ZNF599: variants seen among roughly 807,000 people sequenced by gnomAD.
ZNF599 encodes the protein zinc finger protein 599.
In ZNF599, 10 loss-of-function variants were observed where a neutral mutation model predicts 11.7. That is an observed-to-expected ratio of 0.86 (90% CI 0.53 to 1.45). The LOEUF is 1.45. Among genes scored for constraint, ZNF599 ranks in the 40% most tolerant of loss-of-function variants. The pLI, the probability that ZNF599 is intolerant of heterozygous loss-of-function variation, is 0.00. For missense variants in ZNF599, 688 were observed against 713.6 expected (o/e 0.96, Z 0.41); for synonymous variants, 232 against 253.2 (o/e 0.92, Z 0.79).
upstream of ZNF599, among the ~76,000 whole-genome samples, chr19:34,777,367 TTATATATTATATATTAATTAATATATAA>T (rs1568496943): frequency 1.5e-5 from 1 of 67,114 alleles, no homozygotes; most frequent in Non-Finnish European, 2.6e-5. Flanking sequence ...TATTAATATA[TTATATATTATATATTAATTAATATATAA>T]TATATATTAT....
chr19:34,803,073 G>A, the ZNF599 span, among the ~76,000 whole-genome samples: 3 of 152,262 alleles, frequency 2.0e-5, no homozygotes, highest in Admixed American at 6.5e-5. Flanking sequence ...AACCTGGGGC[G>A]GAGAGGTCAC....
At chr19:34,777,408 ATAATATATAT>A (rs2069224300), upstream of ZNF599, among the ~76,000 whole-genome samples, 1 of 93,752 alleles carries the variant, frequency 1.1e-5, no homozygotes, top group Non-Finnish European at 2.0e-5. Context: ...TATATTATAT[ATAATATATAT>A]TAATTAATAT....
chr19:34,796,299 T>C, the ZNF599 span, among the ~76,000 whole-genome samples: 1 of 151,770 alleles, frequency 6.6e-6, no homozygotes, highest in African/African-American at 2.4e-5. Flanking sequence ...CAACAATGCC[T>C]AATAGGAGCC....
rs149842207 is a variant in ZNF599 at position 34,759,967 on chromosome 19, G to A, written c.834C>T (p.Thr278=). 304 of 1,614,058 alleles carry A rather than the reference G, an allele frequency of 1.9e-4. 2 individuals carry two copies. The African/African-American group carries it at 3.0e-3, about 16-fold the overall frequency. Residue 278 remains threonine (T), a synonymous_variant, in exon 4 of 4, where the codon ACC becomes ACT. Coordinates refer to ENST00000329285, the MANE Select transcript of ZNF599 (RefSeq NM_001007248.3). ...FHLTEHQRIH[T]GDKPYECKEC... Reference sequence around the variant, plus strand: ...CTTTGCACTCATAGGGCTTATCTCCGGTGTGAATACGCTGGTGCTCCGTGA... The same window carrying A: ...CTTTGCACTCATAGGGCTTATCTCCAGTGTGAATACGCTGGTGCTCCGTGA...
At position 34,759,115 on chromosome 19, in the gene ZNF599, G is replaced by A. The variant is rs745860475; in HGVS notation, c.1686C>T (p.Pro562=). 15 of 1,614,074 alleles carry A rather than the reference G, an allele frequency of 9.3e-6. No individual in the cohort carries two copies. The highest frequency in any genetic ancestry group is 1.2e-5 in the Non-Finnish European group (14 of 1,180,036). Residue 562 remains proline (P), a synonymous_variant, in exon 4 of 4, where the codon CCC becomes CCT. Coordinates refer to ENST00000329285, the MANE Select transcript of ZNF599 (RefSeq NM_001007248.3). The part of the protein sequence containing the change: ...QHMRTHTGEK[P]FECNECGKTF... ...TCTTTCCACATTCATTGCATTCAAA[G>A]GGTTTCTCTCCAGTGTGAGTTCTCA...
intron 3 of ZNF599, among the ~76,000 whole-genome samples, chr19:34,760,919 T>C (rs528432837): frequency 6.6e-6 from 1 of 152,260 alleles, no homozygotes; most frequent in South Asian, 2.1e-4. Context: ...ACACTTAACA[T>C]GGCCCAGATG....
Position 34,760,502 on chromosome 19 carries a change from T to G in ZNF599, c.299A>C (p.Glu100Ala). Residue 100 changes from glutamate (E) to alanine (A), a missense_variant, in exon 4 of 4, where the codon GAG becomes GCG. Glu to Ala is a moderately radical substitution (Grantham distance 107, BLOSUM62 -1). Transcript: ENST00000329285. Reference protein sequence around the residue: ...EPTASQLAFSEESSFQELLAQ... With the variant: ...EPTASQLAFSAESSFQELLAQ... The stretch of plus-strand genomic sequence containing the variant: ...CAGAAGTTCCTGGAAAGAGGATTCC[T>G]CAGAGAAGGCCAGCTGAGAAGCAGT... The G allele has an allele frequency of 2.5e-6, 4 of 1,614,118 alleles. No individual in the cohort carries two copies. The highest frequency in any genetic ancestry group is 1.7e-6 in the Non-Finnish European group (2 of 1,180,020).
In ZNF599 at chr19:34,772,877, C is replaced by A. The variant is rs1432027879; in HGVS notation, c.-36G>T. On this transcript the variant is annotated 5_prime_UTR_variant, in exon 1 of 4. Transcript: ENST00000329285. ...GGCTGGGTGAGGCCGTGAGAGTCGG[C>A]GAGGAAGCCGGTCCTGCGGGCTCGG... 1 of 1,432,038 alleles carries A rather than the reference C, an allele frequency of 7.0e-7. No individual in the cohort carries two copies. The highest frequency in any genetic ancestry group is 9.1e-7 in the Non-Finnish European group (1 of 1,097,920). 88.7% of individuals were successfully genotyped at this position (1,432,038 alleles called of 1,614,324 possible). A position where few individuals can be genotyped will look rare whatever the true frequency, so the allele number is the denominator to read the frequency against.
upstream of ZNF599, among the ~76,000 whole-genome samples, chr19:34,774,954 A>G (rs566101134): frequency 1.7e-3 from 254 of 152,228 alleles, no homozygotes; most frequent in Middle Eastern, 0.017. Context: ...TTCTTGAGAT[A>G]ATGAGTTTTC....
chr19:34,806,887 C>T, the ZNF599 span, among the ~76,000 whole-genome samples: 8,415 of 152,208 alleles, frequency 0.055, 742 homozygotes, highest in African/African-American at 0.19. Flanking sequence ...TGGCCTCCTG[C>T]CTCCTTGACT....
the ZNF599 span, among the ~76,000 whole-genome samples, chr19:34,802,288 G>C: frequency 1.3e-5 from 2 of 152,170 alleles, no homozygotes; most frequent in African/African-American, 4.8e-5. Context: ...TCACAGCATG[G>C]GAGAAGCCTC....
At chr19:34,760,809 C>T (rs1056439174) in intron 3 of ZNF599, among the ~76,000 whole-genome samples, 2 of 152,154 alleles carry the variant, frequency 1.3e-5, no homozygotes, top group African/African-American at 2.4e-5. Flanking sequence ...TCCTCACTCT[C>T]CCAAATGAGG....
chr19:34,788,356 A>G, the ZNF599 span, among the ~76,000 whole-genome samples: 1 of 152,170 alleles, frequency 6.6e-6, no homozygotes, highest in African/African-American at 2.4e-5. Flanking sequence ...TAAGATCTGA[A>G]GGCTATGATC....
chr19:34,777,538 A>G (rs2069227605), upstream of ZNF599, among the ~76,000 whole-genome samples: 1 of 120,334 alleles, frequency 8.3e-6, no homozygotes, highest in Non-Finnish European at 1.6e-5. Context: ...TATAATCTAT[A>G]TATCTATATT....
the ZNF599 span, among the ~76,000 whole-genome samples, chr19:34,790,996 T>C: frequency 6.6e-6 from 1 of 152,234 alleles, no homozygotes; most frequent in African/African-American, 2.4e-5. Context: ...CTAAGTCTTT[T>C]AGAGCCACTG....
chr19:34,790,879 CAATTAAAAATAA>C, the ZNF599 span, among the ~76,000 whole-genome samples: 2 of 151,616 alleles, frequency 1.3e-5, no homozygotes, highest in Non-Finnish European at 2.9e-5. Context: ...TATTATTTGT[CAATTAAAAATAA>C]AATTAAAAAT....
the ZNF599 span, among the ~76,000 whole-genome samples, chr19:34,795,874 T>A: frequency 6.6e-6 from 1 of 152,142 alleles, no homozygotes; most frequent in Non-Finnish European, 1.5e-5. Context: ...CAGGCTGGAG[T>A]GCAATGGCAC....
chr19:34,807,589 C>G, the ZNF599 span, among the ~76,000 whole-genome samples: 1 of 152,222 alleles, frequency 6.6e-6, no homozygotes, highest in Admixed American at 6.5e-5. Context: ...AAATGACCGC[C>G]ACAAAGTGAG....
chr19:34,770,978 G>C (rs1600159859), intron 1 of ZNF599, among the ~76,000 whole-genome samples: 1 of 152,156 alleles, frequency 6.6e-6, no homozygotes, highest in Non-Finnish European at 1.5e-5. Flanking sequence ...GTGAAATATT[G>C]GTTAAAAATG....
Sources: allele counts gnomAD v4.1 joint callset (sites outside exome capture counted in the v4.1 genomes callset), GRCh38; gene constraint gnomAD v4.1.1; transcripts MANE v1.5; gene names NCBI Gene and HGNC (gene_info 2026-07-23, HGNC 2026-07-21).